Variants in KDM4C observed in about 807,000 individuals in gnomAD.
KDM4C encodes lysine-specific demethylase 4C.
A neutral mutation model predicts 129.3 loss-of-function variants in KDM4C; 81 were observed. The observed-to-expected ratio is 0.63, with a 90% CI of 0.52 to 0.75. The LOEUF is 0.75. Among genes scored for constraint, KDM4C ranks in the 30% least tolerant of loss-of-function variants. The probability of loss-of-function intolerance (pLI) is 0.00; values close to 1 mark genes in which losing one functional copy is unlikely to be tolerated. For missense variants in KDM4C, 1,457 were observed against 1,304.0 expected, an observed-to-expected ratio of 1.12 and a Z score of -1.81; for synonymous variants, 573 against 456.1, an observed-to-expected ratio of 1.26 and a Z score of -3.26.
chr9:6,923,472 G>T (rs553541612), intron 8 of KDM4C, among the ~76,000 whole-genome samples: 1 of 152,176 alleles, frequency 6.6e-6, no homozygotes, highest in South Asian at 2.1e-4. Context: ...CTAGTGAATT[G>T]TATTCTTGGA....
intron 15 of KDM4C, among the ~76,000 whole-genome samples, chr9:7,040,647 TGTTTTC>T (rs973901253): frequency 6.6e-6 from 1 of 151,940 alleles, no homozygotes; most frequent in African/African-American, 2.4e-5. Flanking sequence ...TTTAAAAGGT[TGTTTTC>T]TTGGGAGGTA....
chr9:7,025,129 C>G (rs117583811), intron 15 of KDM4C, among the ~76,000 whole-genome samples: 1 of 152,128 alleles, frequency 6.6e-6, no homozygotes. Context: ...TTTTTCTCTT[C>G]TTACAGTTTT....
intron 19 of KDM4C, among the ~76,000 whole-genome samples, chr9:7,141,983 A>G (rs1841791323): frequency 6.6e-6 from 1 of 152,222 alleles, no homozygotes; most frequent in Admixed American, 6.5e-5. Flanking sequence ...TTGATAAAAT[A>G]GTCATTTTGC....
intron 15 of KDM4C, among the ~76,000 whole-genome samples, chr9:7,020,868 CTG>C (rs1199171962): frequency 2.0e-5 from 3 of 151,134 alleles, no homozygotes; most frequent in African/African-American, 7.3e-5. Context: ...TTATTTTTGA[CTG>C]TAGTCACCTT....
At chr9:6,849,471 T>C in intron 4 of KDM4C, 36 bp from the exon 5 acceptor site, 2 of 1,497,918 alleles carry the variant, frequency 1.3e-6, no homozygotes, top group Non-Finnish European at 1.8e-6. Flanking sequence ...TTTAGTAAGA[T>C]TTGATTTCTC....
chr9:6,742,861 A>C (rs1275710143), intron 1 of KDM4C, among the ~76,000 whole-genome samples: 1 of 151,982 alleles, frequency 6.6e-6, no homozygotes, highest in African/African-American at 2.4e-5. Flanking sequence ...AAACATCTTC[A>C]GTGTCAGTAG....
chr9:6,844,142 T>C (rs557649458), intron 4 of KDM4C, among the ~76,000 whole-genome samples: 46 of 152,244 alleles, frequency 3.0e-4, no homozygotes, highest in African/African-American at 1.1e-3. Flanking sequence ...TACGTACTTT[T>C]AAAAAAGCTT....
At position 6,814,759 on chromosome 9, in the gene KDM4C, T is replaced by G; in HGVS notation, c.435+14T>G. The G allele has an allele frequency of 6.8e-7, 1 of 1,471,768 alleles. No individual in the cohort carries two copies. The highest frequency in any genetic ancestry group is 9.5e-7 in the Non-Finnish European group (1 of 1,055,768). The allele number at this position is 1,471,768 out of a possible 1,614,324, so 91.2% of individuals were successfully genotyped here. A position where few individuals can be genotyped will look rare whatever the true frequency, so the allele number is the denominator to read the frequency against. On this transcript the variant is annotated intron_variant, in intron 4 of 21. Coordinates refer to ENST00000381309, the MANE Select transcript of KDM4C (RefSeq NM_015061.6). ...ATATATGATGAGGTACATTCATATT[T>G]ACAGTGAGTTTTGTAAAGATCATTG...
chr9:6,894,792 G>A (rs1588976482), intron 8 of KDM4C, among the ~76,000 whole-genome samples: 3 of 152,326 alleles, frequency 2.0e-5, no homozygotes, highest in African/African-American at 7.2e-5. Context: ...ACAGTTGTGG[G>A]AATGTGAAGT....
At chr9:6,774,122 A>C (rs1425869538) in intron 1 of KDM4C, among the ~76,000 whole-genome samples, 1 of 151,884 alleles carries the variant, frequency 6.6e-6, no homozygotes, top group Non-Finnish European at 1.5e-5. Context: ...TCCTGACCTC[A>C]AGTGATCCAC....
chr9:6,813,446 G>A (rs1379882955), intron 3 of KDM4C, among the ~76,000 whole-genome samples: 6 of 152,198 alleles, frequency 3.9e-5, no homozygotes, highest in African/African-American at 1.2e-4. Flanking sequence ...TTTGAATACA[G>A]TTGTTCCATT....
intron 8 of KDM4C, among the ~76,000 whole-genome samples, chr9:6,935,699 A>T (rs1427582081): frequency 6.6e-6 from 1 of 151,650 alleles, no homozygotes; most frequent in East Asian, 1.9e-4. Context: ...CTTCGTTTTT[A>T]TTAGGAAGTA....
At chr9:6,971,542 G>A (rs1831987278) in intron 8 of KDM4C, among the ~76,000 whole-genome samples, 1 of 152,098 alleles carries the variant, frequency 6.6e-6, no homozygotes, top group African/African-American at 2.4e-5. Context: ...TTTGTCCAGA[G>A]CTTGTTAATG....
chr9:6,981,474 T>A (rs1816753139), intron 9 of KDM4C, among the ~76,000 whole-genome samples: 1 of 152,206 alleles, frequency 6.6e-6, no homozygotes, highest in Admixed American at 6.5e-5. Context: ...TTTGCCACCA[T>A]TTTGCTTTTT....
intron 8 of KDM4C, among the ~76,000 whole-genome samples, chr9:6,920,655 G>A (rs958086488): frequency 2.0e-5 from 3 of 152,168 alleles, no homozygotes; most frequent in Non-Finnish European, 2.9e-5. Flanking sequence ...ATTCTTTTGA[G>A]GAAATTACCA....
intron 7 of KDM4C, among the ~76,000 whole-genome samples, chr9:6,892,161 C>T (rs1269024648): frequency 1.3e-5 from 2 of 152,118 alleles, no homozygotes; most frequent in Non-Finnish European, 2.9e-5. Context: ...TATTACTTTG[C>T]AGCAACTGAA....
chr9:6,813,104 GGC>G, intron 3 of KDM4C, among the ~76,000 whole-genome samples: 1 of 152,224 alleles, frequency 6.6e-6, no homozygotes, highest in Non-Finnish European at 1.5e-5. Flanking sequence ...GAACCTGGGA[GGC>G]GGAGGTTTCA....
At chr9:6,834,342 C>G (rs1217782862) in intron 4 of KDM4C, 2 of 309,216 alleles carry the variant, frequency 6.5e-6, no homozygotes, top group African/African-American at 2.2e-5. Flanking sequence ...GGCCGATAGT[C>G]TCTTTGTCAT....
chr9:7,175,044 G>T lies in KDM4C; in HGVS notation c.*315G>T, dbSNP rs771506472. 1 of 222,386 alleles carries T rather than the reference G, an allele frequency of 4.5e-6. No homozygotes were observed. Among genetic ancestry groups the T allele is most frequent in the East Asian group, 8.8e-5 (1 of 11,326 alleles). The allele number at this position is 222,386 out of a possible 1,614,324, so 13.8% of individuals were successfully genotyped here. A position where few individuals can be genotyped will look rare whatever the true frequency, so the allele number is the denominator to read the frequency against. The stretch of plus-strand genomic sequence containing the variant: ...AAGGAAAAGCCACTGCCACAGAGGA[G>T]GCGGGTCCCCTTGTGCGGCTTAGGG... On this transcript the variant is annotated 3_prime_UTR_variant, in exon 22 of 22. Transcript: ENST00000381309.
Sources: gnomAD v4.1 joint callset for allele counts (sites outside exome capture counted in the v4.1 genomes callset) on GRCh38, gnomAD v4.1.1 for gene constraint, MANE v1.5 for transcripts, NCBI Gene and HGNC (gene_info 2026-07-23, HGNC 2026-07-21) for gene names.